The following KCNMA1 variants were observed in gnomAD, a reference collection of about 807,000 sequenced individuals.
The protein encoded by KCNMA1 is potassium calcium-activated channel subfamily M alpha 1, also known as Calcium-activated potassium channel subunit alpha-1.
In KCNMA1, 29 loss-of-function variants were observed where a neutral mutation model predicts 140.0. That is an observed-to-expected ratio of 0.21 (90% CI 0.15 to 0.28). KCNMA1 has a LOEUF of 0.28. Among genes scored for constraint, KCNMA1 ranks in the 10% least tolerant of loss-of-function variants. KCNMA1 has a pLI of 1.00. For synonymous variants in KCNMA1, 612 were observed against 611.9 expected (o/e 1.00, Z 0.00); for missense variants, 880 against 1,602.2 (o/e 0.55, Z 7.70).
chr10:77,460,858 C>A (rs1279272652), intron 1 of KCNMA1, among the ~76,000 whole-genome samples: 1 of 152,168 alleles, frequency 6.6e-6, no homozygotes, highest in African/African-American at 2.4e-5. Context: ...GTAATCCCAG[C>A]ACTCTGGGAG....
chr10:77,336,818 T>C (rs2089225348), intron 2 of KCNMA1, among the ~76,000 whole-genome samples: 1 of 152,232 alleles, frequency 6.6e-6, no homozygotes, highest in South Asian at 2.1e-4. Context: ...TCTTAGAATC[T>C]GTTTTCCCAT....
chr10:77,021,352 G>T (rs1161681387), intron 16 of KCNMA1, among the ~76,000 whole-genome samples: 2 of 152,140 alleles, frequency 1.3e-5, no homozygotes, highest in Admixed American at 1.3e-4. Context: ...GTTAAAGTAT[G>T]TACTATGTGC....
At chr10:77,425,635 C>T (rs976079091) in intron 1 of KCNMA1, among the ~76,000 whole-genome samples, 1 of 152,174 alleles carries the variant, frequency 6.6e-6, no homozygotes, top group African/African-American at 2.4e-5. Context: ...GCCTTCCCAG[C>T]CTTGTCCAGG....
intron 25 of KCNMA1, chr10:76,903,032 T>A (rs1214416475): frequency 6.6e-6 from 1 of 152,198 alleles, no homozygotes; most frequent in Non-Finnish European, 1.5e-5. Flanking sequence ...GTTTGATGAT[T>A]CTCAGGTCCT....
intron 1 of KCNMA1, among the ~76,000 whole-genome samples, chr10:77,627,669 T>C (rs2154570607): frequency 6.6e-6 from 1 of 152,252 alleles, no homozygotes; most frequent in Non-Finnish European, 1.5e-5. Context: ...TGAACTGGAT[T>C]TAGAATTTGA....
intron 16 of KCNMA1, among the ~76,000 whole-genome samples, chr10:77,022,701 A>T (rs1200920877): frequency 6.6e-6 from 1 of 152,218 alleles, no homozygotes; most frequent in East Asian, 1.9e-4. Flanking sequence ...TGTTGAATGA[A>T]TAAAAAAAAT....
intron 1 of KCNMA1, among the ~76,000 whole-genome samples, chr10:77,491,734 C>T (rs1204419800): frequency 6.6e-6 from 1 of 151,826 alleles, no homozygotes; most frequent in Non-Finnish European, 1.5e-5. Context: ...CACACACACA[C>T]ACACACACAC....
intron 9 of KCNMA1, among the ~76,000 whole-genome samples, chr10:77,099,436 C>T (rs577172702): frequency 4.2e-4 from 64 of 152,322 alleles, no homozygotes; most frequent in African/African-American, 1.4e-3. Context: ...AGCAGACCTC[C>T]AGCATCTGTT....
At chr10:77,261,174 G>A (rs930914428) in intron 2 of KCNMA1, among the ~76,000 whole-genome samples, 9 of 152,020 alleles carry the variant, frequency 5.9e-5, no homozygotes, top group Admixed American at 2.6e-4. Flanking sequence ...AAATACATAC[G>A]AAACCCTGGG....
At chr10:77,205,464 G>A (rs1011820166) in intron 3 of KCNMA1, among the ~76,000 whole-genome samples, 4 of 152,220 alleles carry the variant, frequency 2.6e-5, no homozygotes, top group African/African-American at 9.6e-5. Context: ...AGATGAAGAG[G>A]AGTGTGGGTG....
At chr10:77,445,406 T>TA (rs939282818) in intron 1 of KCNMA1, among the ~76,000 whole-genome samples, 10 of 138,586 alleles carry the variant, frequency 7.2e-5, no homozygotes, top group South Asian at 2.3e-4. Flanking sequence ...ATATGAAAAA[T>TA]AAAAAAAATC....
chr10:77,153,418 C>T (rs2098447173), intron 5 of KCNMA1, among the ~76,000 whole-genome samples: 2 of 152,176 alleles, frequency 1.3e-5, no homozygotes, highest in Admixed American at 1.3e-4. Flanking sequence ...ATTGCCCAGG[C>T]TGGAGTCCAG....
chr10:77,395,422 T>A (rs1484085755), intron 2 of KCNMA1, among the ~76,000 whole-genome samples: 1 of 152,202 alleles, frequency 6.6e-6, no homozygotes, highest in Non-Finnish European at 1.5e-5. Context: ...TGAGCCAGAC[T>A]GTCCCACAGG....
At chr10:77,271,382 A>G (rs1303416279) in intron 2 of KCNMA1, among the ~76,000 whole-genome samples, 2 of 152,190 alleles carry the variant, frequency 1.3e-5, no homozygotes, top group African/African-American at 2.4e-5. Context: ...AGAGACACTT[A>G]GAAGTGTCCT....
chr10:77,488,536 T>C (rs749908131), intron 1 of KCNMA1, among the ~76,000 whole-genome samples: 1 of 152,172 alleles, frequency 6.6e-6, no homozygotes, highest in Non-Finnish European at 1.5e-5. Flanking sequence ...GATCTGTTGA[T>C]AGGCTCCACA....
At chr10:77,075,012 TA>T (rs769679556) in intron 13 of KCNMA1, among the ~76,000 whole-genome samples, 76 of 152,224 alleles carry the variant, frequency 5.0e-4, no homozygotes, top group Non-Finnish European at 1.0e-3. Context: ...CTTTCAAAAA[TA>T]CTATTCTTAT....
intron 1 of KCNMA1, among the ~76,000 whole-genome samples, chr10:77,631,129 AG>A (rs2093158219): frequency 6.7e-6 from 1 of 149,524 alleles, no homozygotes; most frequent in East Asian, 2.0e-4. Context: ...AAAAAAAAAA[AG>A]TTTGAGAAGC....
At chr10:77,564,005 G>A (rs1237603628) in intron 1 of KCNMA1, among the ~76,000 whole-genome samples, 2 of 152,238 alleles carry the variant, frequency 1.3e-5, no homozygotes, top group African/African-American at 4.8e-5. Context: ...CAGAATCAGA[G>A]CTCAATATAA....
At chr10:76,923,512 G>C (rs1027972562) in intron 23 of KCNMA1, among the ~76,000 whole-genome samples, 2 of 152,064 alleles carry the variant, frequency 1.3e-5, no homozygotes, top group African/African-American at 4.8e-5. Flanking sequence ...GTTAAGGGGA[G>C]GAAGGAAGAA....
Sources: allele counts gnomAD v4.1 joint callset (sites outside exome capture counted in the v4.1 genomes callset), GRCh38; gene constraint gnomAD v4.1.1; transcripts MANE v1.5; gene names NCBI Gene and HGNC (gene_info 2026-07-23, HGNC 2026-07-21).